ZNF714: variants seen among roughly 807,000 people sequenced by gnomAD.
ZNF714 encodes the protein zinc finger protein 714.
A neutral mutation model predicts 46.2 loss-of-function variants in ZNF714; 32 were observed. That is an observed-to-expected ratio of 0.69 (90% CI 0.52 to 0.93). The LOEUF is 0.93. Among genes scored for constraint, ZNF714 ranks in the 40% least tolerant of loss-of-function variants. The probability of loss-of-function intolerance (pLI) is 0.00; values close to 1 mark genes in which losing one functional copy is unlikely to be tolerated. For missense variants in ZNF714, 635 were observed against 646.3 expected, an observed-to-expected ratio of 0.98 and a Z score of 0.19; for synonymous variants, 199 against 213.1, an observed-to-expected ratio of 0.93 and a Z score of 0.58.
At chr19:21,103,510 GC>G (rs1969237493) in intron 4 of ZNF714, among the ~76,000 whole-genome samples, 1 of 152,080 alleles carries the variant, frequency 6.6e-6, no homozygotes. Context: ...CCGAGATCAC[GC>G]CACTGCACTC....
intron 4 of ZNF714, among the ~76,000 whole-genome samples, chr19:21,104,311 T>C (rs955120204): frequency 1.3e-5 from 2 of 152,236 alleles, no homozygotes; most frequent in Non-Finnish European, 2.9e-5. Flanking sequence ...CTTCTGCCTT[T>C]TGGCTTTTGT....
At chr19:21,095,093 G>A (rs1205805083) in intron 2 of ZNF714, among the ~76,000 whole-genome samples, 1 of 151,856 alleles carries the variant, frequency 6.6e-6, no homozygotes, top group East Asian at 1.9e-4. Context: ...TTGTTTATTT[G>A]GTATGTTGTC....
Position 21,123,863 on chromosome 19 carries a change from C to T in ZNF714, c.*5531C>T, listed in dbSNP as rs1348966304. The stretch of plus-strand genomic sequence containing the variant: ...CTTTTAGTGGGAGAAGTTTAGTCTA[C>T]GGTTTTTATTTTTAGTCACCAAGCT... On this transcript the variant is annotated 3_prime_UTR_variant, in exon 5 of 5. Transcript: ENST00000456283. 2.0e-5 allele frequency: 3 copies of T among 152,010 alleles called. No individual in the cohort carries two copies. Among genetic ancestry groups the T allele is most frequent in the Non-Finnish European group, 4.4e-5 (3 of 67,996 alleles). The allele number at this position is 152,010 out of a possible 1,614,324, so 9.4% of individuals were successfully genotyped here. A position where few individuals can be genotyped will look rare whatever the true frequency, so the allele number is the denominator to read the frequency against.
chr19:21,101,371 G>C (rs1969175882), intron 4 of ZNF714, among the ~76,000 whole-genome samples: 1 of 152,190 alleles, frequency 6.6e-6, no homozygotes, highest in Admixed American at 6.5e-5. Flanking sequence ...GTCTGCACTA[G>C]CATCCACCTT....
chr19:21,106,985 C>T (rs912358494), intron 4 of ZNF714, among the ~76,000 whole-genome samples: 1 of 152,078 alleles, frequency 6.6e-6, no homozygotes, highest in African/African-American at 2.4e-5. Flanking sequence ...CGCTGCCACA[C>T]CCCGCTAATT....
At chr19:21,098,448 T>C (rs1229096015) in intron 3 of ZNF714, 137 bp downstream of exon 3, 2 of 1,147,884 alleles carry the variant, frequency 1.7e-6, no homozygotes, top group Admixed American at 2.8e-5. Flanking sequence ...TCTTGATGAT[T>C]TGTCTCTGTA....
Position 21,119,727 on chromosome 19 carries a change from A to G in ZNF714, c.*1395A>G, listed in dbSNP as rs534703383. The stretch of plus-strand genomic sequence containing the variant: ...AATCCATAAGTAAGTCTGTGTAAAT[A>G]TCAGAATTTATGGTAGAAATACATA... On this transcript the variant is annotated 3_prime_UTR_variant, in exon 5 of 5. Coordinates refer to ENST00000456283, the MANE Select transcript of ZNF714 (RefSeq NM_182515.4). 6.6e-6 allele frequency: 1 copy of G among 152,394 alleles called. No individual in the cohort carries two copies. Among genetic ancestry groups the G allele is most frequent in the Non-Finnish European group, 1.5e-5 (1 of 68,046 alleles). 9.4% of individuals were successfully genotyped at this position (152,394 alleles called of 1,614,324 possible). A position where few individuals can be genotyped will look rare whatever the true frequency, so the allele number is the denominator to read the frequency against.
intron 4 of ZNF714, among the ~76,000 whole-genome samples, chr19:21,103,175 T>G (rs1270010629): frequency 7.2e-6 from 1 of 139,778 alleles, no homozygotes; most frequent in Non-Finnish European, 1.6e-5. Flanking sequence ...AGAGAAACAC[T>G]TTTTGTGATT....
chr19:21,117,651 A>T lies in ZNF714; in HGVS notation c.987A>T (p.Thr329=), dbSNP rs1969630721. 5 of 1,609,006 alleles carry T rather than the reference A, an allele frequency of 3.1e-6. No individual in the cohort carries two copies. The highest frequency in any genetic ancestry group is 1.4e-5 in the African/African-American group (1 of 73,548). ...GKGFNWSSTL[T]KHKRIHTGEK... is the part of the protein sequence containing the mutation. The stretch of plus-strand genomic sequence containing the variant: ...GCTTTAACTGGTCTTCAACCCTTAC[A>T]AAACATAAAAGAATTCATACTGGAG... Residue 329 remains threonine (T), a synonymous_variant, in exon 5 of 5, where the codon ACA becomes ACT. Coordinates refer to ENST00000456283, the MANE Select transcript of ZNF714 (RefSeq NM_182515.4).
intron 2 of ZNF714, among the ~76,000 whole-genome samples, chr19:21,089,791 G>T (rs2144826161): frequency 6.8e-6 from 1 of 148,064 alleles, no homozygotes; most frequent in South Asian, 2.3e-4. Context: ...CCTCACAAAT[G>T]CATCTCCAAA....
In ZNF714 at chr19:21,118,052, A is replaced by G. The variant is rs1969642831; in HGVS notation, c.1388A>G (p.Asn463Ser). The G allele has an allele frequency of 6.2e-7, 1 of 1,613,878 alleles. No individual in the cohort carries two copies. Among genetic ancestry groups the G allele is most frequent in the South Asian group, 1.1e-5 (1 of 91,082 alleles). Residue 463 changes from asparagine to serine, a missense_variant, in exon 5 of 5, where the codon AAC becomes AGC. Physicochemically the swap from Asn to Ser is conservative, Grantham distance 46. Transcript: ENST00000456283. Reference protein sequence around the residue: ...YKCEECGKAFNRSSNLTKHNI... With the variant: ...YKCEECGKAFSRSSNLTKHNI... ...TGTGAAGAATGTGGCAAAGCTTTCA[A>G]CCGATCCTCAAACCTTACTAAACAT...
intron 4 of ZNF714, among the ~76,000 whole-genome samples, chr19:21,108,809 A>G (rs1969380896): frequency 6.6e-6 from 1 of 152,182 alleles, no homozygotes; most frequent in Admixed American, 6.6e-5. Context: ...CTTTTATCTG[A>G]ATTTTCTATT....
At chr19:21,091,819 T>G (rs753218179) in intron 2 of ZNF714, 1 of 152,162 alleles carries the variant, frequency 6.6e-6, no homozygotes, top group Non-Finnish European at 1.5e-5. Context: ...TGAGGAAGTT[T>G]GTAGGAGTCC....
intron 2 of ZNF714, among the ~76,000 whole-genome samples, chr19:21,097,158 GC>G (rs1192571952): frequency 6.6e-6 from 1 of 152,114 alleles, no homozygotes; most frequent in East Asian, 1.9e-4. Context: ...GAGCCACCAC[GC>G]CCGGCCTGTT....
Position 21,118,988 on chromosome 19 carries a change from G to A in ZNF714, c.*656G>A, listed in dbSNP as rs1444770870. ...TGCACAGGAAAGCATTTGTACTTGA[G>A]ATAAATTATACAAATATAAAGACTG... On this transcript the variant is annotated 3_prime_UTR_variant, in exon 5 of 5. Coordinates refer to ENST00000456283, the MANE Select transcript of ZNF714 (RefSeq NM_182515.4). 1 of 332,534 alleles carries A rather than the reference G, an allele frequency of 3.0e-6. No homozygotes were observed. Among genetic ancestry groups the A allele is most frequent in the Non-Finnish European group, 5.9e-6 (1 of 170,424 alleles). The allele number at this position is 332,534 out of a possible 1,614,324, so 20.6% of individuals were successfully genotyped here. A position where few individuals can be genotyped will look rare whatever the true frequency, so the allele number is the denominator to read the frequency against.
At position 21,106,392 on chromosome 19, in the gene ZNF714, A is replaced by AC. The variant is rs544724940; in HGVS notation, c.142+7487dup. On this transcript the variant is annotated intron_variant, in intron 4 of 4. Coordinates refer to ENST00000456283, the MANE Select transcript of ZNF714 (RefSeq NM_182515.4). ...AGACCAGCCTGACCAACATGGTGAGACCCCCATCTCTACTAAAAATACAAA... is the reference window on the plus strand; with the variant it reads ...AGACCAGCCTGACCAACATGGTGAGACCCCCCATCTCTACTAAAAATACAAA... 4.6e-4 allele frequency among the ~76,000 whole-genome samples: 70 copies of AC among 151,718 alleles called. 1 individual carries two copies. In the East Asian group the frequency reaches 9.4e-3, roughly 20 times the overall value.
chr19:21,099,455 C>T (rs1969121298), intron 4 of ZNF714, among the ~76,000 whole-genome samples: 1 of 69,832 alleles, frequency 1.4e-5, no homozygotes, highest in Non-Finnish European at 5.1e-5. Flanking sequence ...GCTGGGATTA[C>T]AAGTGTGAGC....
intron 2 of ZNF714, among the ~76,000 whole-genome samples, chr19:21,096,746 G>A (rs544700381): frequency 1.3e-5 from 2 of 152,202 alleles, no homozygotes; most frequent in Admixed American, 6.5e-5. Flanking sequence ...GGAAAGCTGG[G>A]GTCCTTAGTA....
intron 2 of ZNF714, among the ~76,000 whole-genome samples, chr19:21,087,789 A>T (rs896102864): frequency 6.6e-6 from 1 of 152,238 alleles, no homozygotes; most frequent in Non-Finnish European, 1.5e-5. Flanking sequence ...ATTTAAAACA[A>T]TCCTTTAACC....
Sources: allele counts gnomAD v4.1 joint callset (sites outside exome capture counted in the v4.1 genomes callset), GRCh38; gene constraint gnomAD v4.1.1; transcripts MANE v1.5; gene names NCBI Gene and HGNC (gene_info 2026-07-23, HGNC 2026-07-21).